CREB5: variants seen among roughly 807,000 people sequenced by gnomAD.
CREB5 encodes cyclic AMP-responsive element-binding protein 5.
Under a neutral mutation model 57.1 loss-of-function variants are expected in CREB5, and 19 were observed. The observed-to-expected ratio is 0.33, with a 90% CI of 0.23 to 0.49. CREB5 has a LOEUF of 0.49. Ranked by LOEUF, CREB5 falls within the 20% of genes least tolerant of loss-of-function variation. The pLI is 0.99. For synonymous variants in CREB5, 238 were observed against 238.3 expected (o/e 1.00, Z 0.01); for missense variants, 579 against 671.6 (o/e 0.86, Z 1.52).
chr7:28,488,222 C>T lies in CREB5; in HGVS notation c.51C>T (p.Val17=), dbSNP rs997657930. The change falls in exon 2 of 11, where the codon GTC becomes GTT. Residue 17 remains valine, a synonymous_variant. Coordinates refer to ENST00000357727, the MANE Select transcript of CREB5 (RefSeq NM_182898.4). ...ATTTGGAGCAGGAGAGGCCGTTTGT[C>T]TGCAGTGCCCCAGGCTGCTCCCAGG... ...KMNLEQERPF[V]CSAPGCSQRF... 6.2e-7 allele frequency: 1 copy of T among 1,613,902 alleles called. No homozygotes were observed. The highest frequency in any genetic ancestry group is 1.7e-5 in the Admixed American group (1 of 60,012).
At chr7:28,560,897 C>CGCGCGCGCGTGCGCGT (rs1554344445) in intron 4 of CREB5, among the ~76,000 whole-genome samples, 1 of 22,526 alleles carries the variant, frequency 4.4e-5, no homozygotes, top group Non-Finnish European at 9.2e-5. Flanking sequence ...CGTGTGTGTG[C>CGCGCGCGCGTGCGCGT]GTGCGCGCGT....
chr7:28,388,157 G>A (rs1255367712), intron 1 of CREB5, among the ~76,000 whole-genome samples: 1 of 152,182 alleles, frequency 6.6e-6, no homozygotes, highest in Non-Finnish European at 1.5e-5. Context: ...CTACCCATCT[G>A]AGTCCACATT....
intron 1 of CREB5, among the ~76,000 whole-genome samples, chr7:28,306,555 G>GTTTTT (rs869277871): frequency 3.1e-4 from 18 of 58,076 alleles, no homozygotes; most frequent in African/African-American, 5.2e-4. Flanking sequence ...TGTTTTTTTT[G>GTTTTT]TTTTTTTTTT....
At chr7:28,812,381 C>T (rs900548648) in intron 9 of CREB5, among the ~76,000 whole-genome samples, 14 of 152,154 alleles carry the variant, frequency 9.2e-5, no homozygotes, top group East Asian at 1.9e-4. Context: ...TTGGCATATG[C>T]GTATTTATGA....
At chr7:28,424,066 C>T (rs1788391522) in intron 1 of CREB5, among the ~76,000 whole-genome samples, 5 of 152,182 alleles carry the variant, frequency 3.3e-5, no homozygotes, top group Admixed American at 3.3e-4. Context: ...TTCCAGGCCT[C>T]CCTCCTTCTT....
chr7:28,321,555 T>G (rs189538116), intron 1 of CREB5, among the ~76,000 whole-genome samples: 1 of 152,288 alleles, frequency 6.6e-6, no homozygotes, highest in East Asian at 1.9e-4. Context: ...CCTCGAAATT[T>G]GGTGTGTGAG....
At chr7:28,510,032 G>A (rs1409386581) in intron 4 of CREB5, among the ~76,000 whole-genome samples, 2 of 152,198 alleles carry the variant, frequency 1.3e-5, no homozygotes, top group African/African-American at 4.8e-5. Context: ...AAACCACAAT[G>A]ACTCCTCTGG....
intron 5 of CREB5, among the ~76,000 whole-genome samples, chr7:28,608,094 GTC>G (rs149947396): frequency 0.023 from 1,731 of 76,488 alleles, 18 homozygotes; most frequent in Middle Eastern, 0.041. Flanking sequence ...CTCTCTCTCT[GTC>G]TCTCTCTCTC....
At chr7:28,681,122 C>T (rs1038821438) in intron 5 of CREB5, among the ~76,000 whole-genome samples, 3 of 151,972 alleles carry the variant, frequency 2.0e-5, no homozygotes, top group South Asian at 2.1e-4. Flanking sequence ...AATCTGAGGC[C>T]CTCCAGGGAG....
intron 1 of CREB5, among the ~76,000 whole-genome samples, chr7:28,406,412 G>T (rs759337335): frequency 6.6e-6 from 1 of 152,200 alleles, no homozygotes; most frequent in Non-Finnish European, 1.5e-5. Context: ...CAACCTCTCT[G>T]CCACCGCCAA....
At chr7:28,353,004 G>A (rs774237101) in intron 1 of CREB5, among the ~76,000 whole-genome samples, 13 of 152,322 alleles carry the variant, frequency 8.5e-5, no homozygotes, top group Non-Finnish European at 1.6e-4. Context: ...TGAAGTGAAA[G>A]AAATGGGTAA....
intron 1 of CREB5, among the ~76,000 whole-genome samples, chr7:28,376,716 G>C (rs1786837231): frequency 6.6e-6 from 1 of 152,212 alleles, no homozygotes; most frequent in Non-Finnish European, 1.5e-5. Context: ...CCTTAGCTCA[G>C]TGTTGTGATA....
chr7:28,601,543 G>C (rs1023012301), intron 5 of CREB5, among the ~76,000 whole-genome samples: 1 of 152,122 alleles, frequency 6.6e-6, no homozygotes, highest in Non-Finnish European at 1.5e-5. Context: ...AATAATAATA[G>C]AGGCAATTTC....
In CREB5 at chr7:28,453,828, T is replaced by C. The variant is rs963639540; in HGVS notation, c.4-34347T>C. Reference sequence around the variant, plus strand: ...CCAAGGGCATTGCGATGAAACAAAATAAAATCTTTGTAAATGAAAATGCTG... The same window carrying C: ...CCAAGGGCATTGCGATGAAACAAAACAAAATCTTTGTAAATGAAAATGCTG... On this transcript the variant is annotated intron_variant, in intron 1 of 10. Coordinates refer to ENST00000357727, the MANE Select transcript of CREB5 (RefSeq NM_182898.4). 2.6e-5 allele frequency among the ~76,000 whole-genome samples: 4 copies of C among 152,152 alleles called. No individual in the cohort carries two copies. The East Asian group carries it at 7.7e-4, about 29-fold the overall frequency.
intron 7 of CREB5, among the ~76,000 whole-genome samples, chr7:28,739,940 T>C (rs1451492393): frequency 6.6e-6 from 1 of 152,246 alleles, no homozygotes; most frequent in Non-Finnish European, 1.5e-5. Context: ...CTGCCCCTTA[T>C]ACAATAGAGA....
chr7:28,339,894 G>C (rs761273880), intron 1 of CREB5, among the ~76,000 whole-genome samples: 3 of 152,170 alleles, frequency 2.0e-5, no homozygotes, highest in Non-Finnish European at 4.4e-5. Flanking sequence ...TCAGGAAAAG[G>C]AGTCTCTCCC....
At chr7:28,704,735 A>C (rs992234591) in intron 5 of CREB5, among the ~76,000 whole-genome samples, 1 of 152,102 alleles carries the variant, frequency 6.6e-6, no homozygotes, top group Non-Finnish European at 1.5e-5. Context: ...GGGATTACAG[A>C]TGTGAGCCAC....
At chr7:28,472,623 G>T (rs6462090) in intron 1 of CREB5, among the ~76,000 whole-genome samples, 31,745 of 152,130 alleles carry the variant, frequency 0.21, 3,742 homozygotes, top group African/African-American at 0.31. Flanking sequence ...GTGTTTTATT[G>T]TATGAGAAGG....
chr7:28,559,840 G>T (rs1246767875), intron 4 of CREB5, among the ~76,000 whole-genome samples: 2 of 152,176 alleles, frequency 1.3e-5, no homozygotes, highest in Non-Finnish European at 2.9e-5. Context: ...TTTCTTCCTG[G>T]AATTGATTGT....
Sources: allele counts gnomAD v4.1 joint callset (sites outside exome capture counted in the v4.1 genomes callset), GRCh38; gene constraint gnomAD v4.1.1; transcripts MANE v1.5; gene names NCBI Gene and HGNC (gene_info 2026-07-23, HGNC 2026-07-21).